The following RRAGD variants were observed in gnomAD, a reference collection of about 807,000 sequenced individuals.
RRAGD encodes the protein ras-related GTP-binding protein D.
RRAGD carries 12 observed loss-of-function variants against 35.5 expected under a neutral mutation model. The ratio of observed to expected loss-of-function variants is 0.34; its 90% CI spans 0.22 to 0.55. The LOEUF is 0.55. RRAGD is among the 20% of genes least tolerant of loss of function. The pLI is 0.91. For missense variants in RRAGD, 324 were observed against 490.1 expected, an observed-to-expected ratio of 0.66 and a Z score of 3.20; for synonymous variants, 155 against 178.9, an observed-to-expected ratio of 0.87 and a Z score of 1.07.
intron 1 of RRAGD, among the ~76,000 whole-genome samples, chr6:89,404,646 G>GAA (rs1432013057): frequency 3.9e-5 from 6 of 152,140 alleles, no homozygotes; most frequent in African/African-American, 1.4e-4. Flanking sequence ...TTTAACACCT[G>GAA]AAGGCTAATC....
chr6:89,386,794 G>C (rs527681807), intron 2 of RRAGD, among the ~76,000 whole-genome samples: 1 of 151,924 alleles, frequency 6.6e-6, no homozygotes, highest in South Asian at 2.1e-4. Flanking sequence ...TCTAAAGAGG[G>C]ATATTTATCT....
chr6:89,371,220 G>A (rs918580089), intron 6 of RRAGD, among the ~76,000 whole-genome samples: 3 of 152,040 alleles, frequency 2.0e-5, no homozygotes, highest in Non-Finnish European at 2.9e-5. Context: ...CAGACGTGGT[G>A]GCTCACTCCT....
Position 89,411,846 on chromosome 6 carries a change from C to A in RRAGD, c.148G>T (p.Val50Phe). Reference protein sequence around the residue: ...ADPDSGTEEGVLDFSDPFSTE... With the variant: ...ADPDSGTEEGFLDFSDPFSTE... ...GAGGACGCGGGGGCCGGGCGCTCACCTCCCTCCTCTGTGCCGCTGTCCGGA... is the reference window on the plus strand; with the variant it reads ...GAGGACGCGGGGGCCGGGCGCTCACATCCCTCCTCTGTGCCGCTGTCCGGA... Residue 50 changes from valine to phenylalanine, a missense_variant and splice_region_variant, in exon 1 of 7, where the codon GTT becomes TTT. Val to Phe is a conservative substitution (Grantham distance 50, BLOSUM62 -1). Around this residue, in one of 5 missense-constraint regions of RRAGD, gnomAD observed 96 missense variants for 78.7 expected, o/e 1.22. Coordinates refer to ENST00000369415, the MANE Select transcript of RRAGD (RefSeq NM_021244.5). This position sits in a 1 kb window ranked among gnomAD's most constrained non-coding sequence, Gnocchi z 5.6. The A allele has an allele frequency of 6.4e-7, 1 of 1,550,848 alleles. No homozygotes were observed. Among genetic ancestry groups the A allele is most frequent in the Non-Finnish European group, 8.7e-7 (1 of 1,151,240 alleles).
At chr6:89,397,277 G>A (rs763735193) in intron 1 of RRAGD, among the ~76,000 whole-genome samples, 2 of 152,148 alleles carry the variant, frequency 1.3e-5, no homozygotes, top group African/African-American at 4.8e-5. Flanking sequence ...CTCATACACT[G>A]CTGGTAGAAA....
At chr6:89,376,301 GT>G (rs59265614) in intron 5 of RRAGD, among the ~76,000 whole-genome samples, 10,466 of 29,724 alleles carry the variant, frequency 0.35, 878 homozygotes, top group African/African-American at 0.53. Context: ...TGTGTGTGTG[GT>G]GTGTGTGTGT....
In RRAGD at chr6:89,411,555, G is replaced by C. The variant is rs1296233273; in HGVS notation, c.148+291C>G. The C allele has an allele frequency of 7.3e-6, 3 of 411,082 alleles. No homozygotes were observed. Among genetic ancestry groups the C allele is most frequent in the Non-Finnish European group, 1.3e-5 (3 of 226,288 alleles). The allele number at this position is 411,082 out of a possible 1,614,324, so 25.5% of individuals were successfully genotyped here. On this transcript the variant is annotated intron_variant, in intron 1 of 6. Coordinates refer to ENST00000369415, the MANE Select transcript of RRAGD (RefSeq NM_021244.5). This position sits in a 1 kb window ranked among gnomAD's most constrained non-coding sequence, Gnocchi z 5.6. ...AGAGCTTGGGGTGAGGGGCGCGGGA[G>C]GCACCGGCTCTGAAAGGGGCAGAAG...
chr6:89,401,305 T>C lies in RRAGD; in HGVS notation c.148+10541A>G, dbSNP rs555042333. On this transcript the variant is annotated intron_variant, in intron 1 of 6. Transcript: ENST00000369415. ...CAGAGTCTTGCTCTATTGCCCAGGC[T>C]AGAGTGCTGTGGCGCAATCTTAGCT... Among the ~76,000 whole-genome samples the C allele has an allele frequency of 1.3e-3, 201 of 151,924 alleles. 3 individuals carry two copies. The highest frequency in any genetic ancestry group is 1.0e-3 in the Admixed American group (16 of 15,256).
chr6:89,376,225 G>A (rs1466421206), intron 5 of RRAGD, among the ~76,000 whole-genome samples: 1 of 151,946 alleles, frequency 6.6e-6, no homozygotes, highest in East Asian at 1.9e-4. Flanking sequence ...AGTCTACCAG[G>A]TAAAGGCACG....
chr6:89,387,194 G>T, intron 2 of RRAGD, 101 bp downstream of exon 2: 3 of 1,188,392 alleles, frequency 2.5e-6, no homozygotes, highest in Non-Finnish European at 3.6e-6. Flanking sequence ...CACTTGTTTG[G>T]TAGAAAGGCC....
At chr6:89,377,876 C>A in intron 4 of RRAGD, 63 bp from the exon 5 acceptor site, 1 of 1,239,990 alleles carries the variant, frequency 8.1e-7, no homozygotes, top group Non-Finnish European at 1.1e-6. Flanking sequence ...GTCATGACTA[C>A]ACAAAATTGA....
At chr6:89,406,721 C>G (rs984475630) in intron 1 of RRAGD, among the ~76,000 whole-genome samples, 2 of 152,218 alleles carry the variant, frequency 1.3e-5, no homozygotes, top group Non-Finnish European at 2.9e-5. Flanking sequence ...AGAAAGCACT[C>G]GGTCCTTGCA....
chr6:89,394,029 A>C (rs1181200722), intron 1 of RRAGD, among the ~76,000 whole-genome samples: 1 of 152,254 alleles, frequency 6.6e-6, no homozygotes, highest in Non-Finnish European at 1.5e-5. Context: ...TATGAAATCA[A>C]AGTTAAAGTG....
At chr6:89,400,052 T>C (rs1327450106) in intron 1 of RRAGD, among the ~76,000 whole-genome samples, 1 of 152,152 alleles carries the variant, frequency 6.6e-6, no homozygotes, top group African/African-American at 2.4e-5. Flanking sequence ...ACCAATCAGC[T>C]CTGTTTGTAA....
chr6:89,390,914 T>C (rs1392267987), intron 1 of RRAGD, among the ~76,000 whole-genome samples: 1 of 151,658 alleles, frequency 6.6e-6, no homozygotes, highest in African/African-American at 2.4e-5. Flanking sequence ...AGATTAAACA[T>C]ACAGTCACCA....
intron 1 of RRAGD, among the ~76,000 whole-genome samples, chr6:89,408,902 C>T (rs1008360385): frequency 6.6e-6 from 1 of 152,156 alleles, no homozygotes; most frequent in Non-Finnish European, 1.5e-5. Context: ...CCATTCCCTC[C>T]TCTCTGGTAG....
At chr6:89,396,571 C>T (rs1350788140) in intron 1 of RRAGD, among the ~76,000 whole-genome samples, 5 of 151,320 alleles carry the variant, frequency 3.3e-5, no homozygotes, top group Non-Finnish European at 5.9e-5. Flanking sequence ...GGACTACAGG[C>T]GCGCCCCATC....
chr6:89,400,242 TAAC>T (rs1284232986), intron 1 of RRAGD, among the ~76,000 whole-genome samples: 1 of 152,046 alleles, frequency 6.6e-6, no homozygotes, highest in Non-Finnish European at 1.5e-5. Context: ...CAGCATTAAA[TAAC>T]AATAAAGAGA....
At chr6:89,385,548 G>A (rs539440047) in intron 2 of RRAGD, among the ~76,000 whole-genome samples, 1 of 152,244 alleles carries the variant, frequency 6.6e-6, no homozygotes, top group Admixed American at 6.5e-5. Flanking sequence ...AGTAAAGCAG[G>A]GGATACTGCC....
rs1768870973 is a variant in RRAGD at position 89,372,474 on chromosome 6, G to A, written c.1014C>T (p.Leu338=). 6 of 1,613,500 alleles carry A rather than the reference G, an allele frequency of 3.7e-6. No homozygotes were observed. The highest frequency in any genetic ancestry group is 1.7e-5 in the Admixed American group (1 of 59,856). Residue 338 remains leucine, a synonymous_variant, in exon 6 of 7, where the codon CTC becomes CTT. Transcript: ENST00000369415. ...AGCTTTCCTCTCTGACAAAGCAAACGAGAGCCAGGAACTTTGTCACCTCTT... is the reference window on the plus strand; with the variant it reads ...AGCTTTCCTCTCTGACAAAGCAAACAAGAGCCAGGAACTTTGTCACCTCTT... ...YLKEVTKFLA[L]VCFVREESFE... is the part of the protein sequence containing the mutation.
Sources: allele counts gnomAD v4.1 joint callset (sites outside exome capture counted in the v4.1 genomes callset), GRCh38; gene constraint gnomAD v4.1.1; regional missense constraint gnomAD v4.1.1; non-coding constraint Gnocchi (gnomAD v3.1); transcripts MANE v1.5; gene names NCBI Gene and HGNC (gene_info 2026-07-23, HGNC 2026-07-21).